Variants in PMF1 observed in about 807,000 individuals in gnomAD.
The protein encoded by PMF1 is polyamine-modulated factor 1.
Under a neutral mutation model 26.7 loss-of-function variants are expected in PMF1, and 21 were observed. That is an observed-to-expected ratio of 0.79 (90% CI 0.56 to 1.13). PMF1 has a LOEUF of 1.13. PMF1 is among the 50% of genes most tolerant of loss of function. The pLI is 0.00. For missense variants in PMF1, 266 were observed against 254.9 expected (o/e 1.04, Z -0.30); for synonymous variants, 105 against 101.0 (o/e 1.04, Z -0.24).
intron 2 of PMF1, 58 bp downstream of exon 2, chr1:156,232,483 A>C: frequency 6.4e-7 from 1 of 1,552,140 alleles, no homozygotes; most frequent in Non-Finnish European, 8.9e-7. Context: ...CCAGATTGTC[A>C]GTCCCCTGAG....
chr1:156,237,508 A>T (rs950268971), intron 4 of PMF1, among the ~76,000 whole-genome samples: 1 of 138,108 alleles, frequency 7.2e-6, no homozygotes, highest in Non-Finnish European at 1.5e-5. Context: ...GTGCAGTGGC[A>T]CGATCTCAGC....
intron 1 of PMF1, among the ~76,000 whole-genome samples, chr1:156,229,732 G>A (rs555104201): frequency 1.0e-3 from 152 of 151,904 alleles, no homozygotes; most frequent in African/African-American, 3.5e-3. Context: ...CACCACGCCC[G>A]GCTAATTTTT....
chr1:156,218,644 T>C (rs1657908596), intron 1 of PMF1, among the ~76,000 whole-genome samples: 1 of 151,896 alleles, frequency 6.6e-6, no homozygotes, highest in Non-Finnish European at 1.5e-5. Context: ...TAGCCAGGCA[T>C]GGTGGCGCGC....
chr1:156,217,455 G>A (rs1558189035), intron 1 of PMF1, among the ~76,000 whole-genome samples: 1 of 152,028 alleles, frequency 6.6e-6, no homozygotes, highest in Non-Finnish European at 1.5e-5. Context: ...GCCAGGTGTG[G>A]TGGCTTACGC....
chr1:156,228,811 T>C (rs1658534023), intron 1 of PMF1, among the ~76,000 whole-genome samples: 1 of 152,234 alleles, frequency 6.6e-6, no homozygotes, highest in Non-Finnish European at 1.5e-5. Context: ...AGCCACAGAC[T>C]GCGTGGCTAG....
intron 1 of PMF1, among the ~76,000 whole-genome samples, chr1:156,219,083 A>G (rs2103082331): frequency 6.6e-6 from 1 of 151,472 alleles, no homozygotes; most frequent in Non-Finnish European, 1.5e-5. Context: ...ACACCTGGCT[A>G]ATTTTTATAT....
chr1:156,221,805 C>T (rs1658096231), intron 1 of PMF1, among the ~76,000 whole-genome samples: 1 of 152,210 alleles, frequency 6.6e-6, no homozygotes, highest in African/African-American at 2.4e-5. Context: ...TATCCATTCT[C>T]TAGGCTAAAG....
chr1:156,219,309 G>C (rs533760440), intron 1 of PMF1, among the ~76,000 whole-genome samples: 1 of 152,236 alleles, frequency 6.6e-6, no homozygotes, highest in South Asian at 2.1e-4. Context: ...CTGTTTCATC[G>C]TTTTACTCTT....
rs62001899 is a variant in PMF1 at position 156,236,367 on chromosome 1, C to A, written c.448C>A (p.Arg150Ser). 6.2e-7 allele frequency: 1 copy of A among 1,614,082 alleles called. No individual in the cohort carries two copies. Among genetic ancestry groups the A allele is most frequent in the African/African-American group, 1.3e-5 (1 of 74,922 alleles). ...YFLQQRDTLR[R>S]HVQKQEAENQ... The stretch of plus-strand genomic sequence containing the variant: ...CCTGCAGCAACGGGACACCCTGCGG[C>A]GCCATGTGCAGAAACAGGAGGCCGA... The change falls in exon 4 of 5, where the codon CGC becomes AGC. Residue 150 changes from arginine to serine, a missense_variant. By Grantham distance (110) the Arg-to-Ser change is moderately radical (BLOSUM62 -1). Coordinates refer to ENST00000368277, the MANE Select transcript of PMF1 (RefSeq NM_007221.4).
At chr1:156,225,500 C>G in intron 1 of PMF1, 4 of 1,036,640 alleles carry the variant, frequency 3.9e-6, no homozygotes, top group Non-Finnish European at 5.9e-6. Flanking sequence ...ATTCTTCTGC[C>G]CTTTGCATCC....
chr1:156,225,719 ATTGTGTTACCCTCTT>A, intron 1 of PMF1: 1 of 866,578 alleles, frequency 1.2e-6, no homozygotes, highest in Non-Finnish European at 1.9e-6. Flanking sequence ...ACACCGTGAT[ATTGTGTTACCCTCTT>A]TTATCTTTCC....
chr1:156,213,108 C>T lies in PMF1; in HGVS notation c.93C>T (p.Thr31=). The T allele has an allele frequency of 6.2e-7, 1 of 1,614,236 alleles. No individual in the cohort carries two copies. Among genetic ancestry groups the T allele is most frequent in the Non-Finnish European group, 8.5e-7 (1 of 1,180,028 alleles). Residue 31 remains threonine, a synonymous_variant, in exon 1 of 5, where the codon ACC becomes ACT. Transcript: ENST00000368277. ...CGGAATCTGTGCCACCCGGCACTAC[C>T]ATTTCGAGGGTGAAGCTCCTCGACA... is the stretch of plus-strand genomic sequence containing the variant. The part of the protein sequence containing the change: ...SSSESVPPGT[T]ISRVKLLDTM...
chr1:156,219,809 G>A (rs1657979441), intron 1 of PMF1, among the ~76,000 whole-genome samples: 2 of 152,052 alleles, frequency 1.3e-5, no homozygotes, highest in Non-Finnish European at 2.9e-5. Context: ...GAGTGCAGTG[G>A]CATGATCACA....
At chr1:156,217,745 A>T (rs551254916) in intron 1 of PMF1, among the ~76,000 whole-genome samples, 7 of 151,692 alleles carry the variant, frequency 4.6e-5, no homozygotes, top group African/African-American at 9.7e-5. Flanking sequence ...AAAAAAAAAC[A>T]AAACTAACCA....
At chr1:156,218,158 T>A (rs1657880069) in intron 1 of PMF1, among the ~76,000 whole-genome samples, 1 of 152,238 alleles carries the variant, frequency 6.6e-6, no homozygotes, top group South Asian at 2.1e-4. Flanking sequence ...TCATTTTGGC[T>A]TCCTCTTCTG....
intron 3 of PMF1, among the ~76,000 whole-genome samples, chr1:156,234,165 G>A (rs1448471510): frequency 2.6e-5 from 4 of 152,204 alleles, no homozygotes; most frequent in African/African-American, 9.6e-5. Context: ...CTTTTGACAG[G>A]GACAAGTAGA....
At chr1:156,220,054 C>G (rs1046354708) in intron 1 of PMF1, among the ~76,000 whole-genome samples, 1 of 151,708 alleles carries the variant, frequency 6.6e-6, no homozygotes, top group Non-Finnish European at 1.5e-5. Context: ...AGCTCCACCT[C>G]CCGGGTTCAC....
At chr1:156,239,450 C>G in intron 4 of PMF1, 98 bp from the exon 5 acceptor site, 1 of 930,774 alleles carries the variant, frequency 1.1e-6, no homozygotes, top group East Asian at 2.4e-5. Context: ...TCCATATTGT[C>G]CTGGGGGAAA....
intron 1 of PMF1, among the ~76,000 whole-genome samples, chr1:156,226,865 G>A (rs1254070078): frequency 6.6e-6 from 1 of 152,196 alleles, no homozygotes; most frequent in Non-Finnish European, 1.5e-5. Flanking sequence ...GGGTAGCTGG[G>A]TGACCTCTTA....
Sources: allele counts gnomAD v4.1 joint callset (sites outside exome capture counted in the v4.1 genomes callset), GRCh38; gene constraint gnomAD v4.1.1; transcripts MANE v1.5; gene names NCBI Gene and HGNC (gene_info 2026-07-23, HGNC 2026-07-21).